Variants in MRPL47 observed in about 807,000 individuals in gnomAD.
The protein encoded by MRPL47 is mitochondrial ribosomal protein L47, also known as large ribosomal subunit protein uL29m.
In MRPL47, 31 loss-of-function variants were observed where a neutral mutation model predicts 34.0. The ratio of observed to expected loss-of-function variants is 0.91; its 90% confidence interval spans 0.68 to 1.23. The LOEUF (loss-of-function observed/expected upper bound fraction) is 1.23, where lower values mean the gene tolerates loss of function less well. Ranked by LOEUF, MRPL47 falls within the 50% of genes most tolerant of loss-of-function variation. MRPL47 has a pLI of 0.00. For synonymous variants in MRPL47, 106 were observed against 101.6 expected, an observed-to-expected ratio of 1.04 and a Z score of -0.26; for missense variants, 328 against 285.8, an observed-to-expected ratio of 1.15 and a Z score of -1.07.
chr3:179,602,866 T>A (rs1576871977), intron 1 of MRPL47, 69 bp from the exon 2 acceptor site: 1 of 1,193,716 alleles, frequency 8.4e-7, no homozygotes, highest in East Asian at 2.5e-5. Flanking sequence ...ATAAACATTA[T>A]CATAATAAAC....
intron 3 of MRPL47, among the ~76,000 whole-genome samples, chr3:179,601,506 GT>G (rs1306585625): frequency 6.6e-6 from 1 of 152,230 alleles, no homozygotes; most frequent in African/African-American, 2.4e-5. Flanking sequence ...GTAAATTACA[GT>G]AAAATTTCTG....
At chr3:179,598,800 G>A (rs1718856029) in intron 3 of MRPL47, 29 bp from the exon 4 acceptor site, 4 of 1,400,674 alleles carry the variant, frequency 2.9e-6, no homozygotes, top group Non-Finnish European at 4.0e-6. Flanking sequence ...ACCTTGTGAT[G>A]CTATTCTGTG....
intron 4 of MRPL47, among the ~76,000 whole-genome samples, chr3:179,594,953 C>T (rs572784497): frequency 1.3e-5 from 2 of 152,162 alleles, no homozygotes; most frequent in East Asian, 1.9e-4. Flanking sequence ...CATAAGAATC[C>T]TCAAAAAAAG....
Position 179,604,614 on chromosome 3 carries a change from G to A in MRPL47, c.11C>T (p.Ala4Val). Reference sequence around the variant, plus strand: ...TCTCCTACAAAGAAGGGCCAAACCGGCCGCAGCCATGTTTTCGCATAACTG... The same window carrying A: ...TCTCCTACAAAGAAGGGCCAAACCGACCGCAGCCATGTTTTCGCATAACTG... MAA[A>V]GLALLCRRVS... The change falls in exon 1 of 7, where the codon GCC becomes GTC. Residue 4 changes from alanine to valine, a missense_variant. Ala to Val is a moderately conservative substitution (Grantham distance 64, BLOSUM62 0). Transcript: ENST00000476781. 6.2e-7 allele frequency: 1 copy of A among 1,614,194 alleles called. No individual in the cohort carries two copies. The highest frequency in any genetic ancestry group is 1.1e-5 in the South Asian group (1 of 91,080).
chr3:179,603,346 TG>T (rs1444381340), intron 1 of MRPL47, among the ~76,000 whole-genome samples: 1 of 152,016 alleles, frequency 6.6e-6, no homozygotes, highest in Non-Finnish European at 1.5e-5. Flanking sequence ...AAGACCAGCC[TG>T]GGCAAGATGG....
upstream of MRPL47, chr3:179,604,640 G>C (rs777164938): frequency 5.6e-6 from 9 of 1,613,866 alleles, no homozygotes; most frequent in Admixed American, 6.7e-5. Flanking sequence ...CGCATAACTG[G>C]CAAAACGCGT....
Position 179,588,930 on chromosome 3 carries a change from T to G in MRPL47, c.695A>C (p.Lys232Thr). ...RKENLERKKA[K>T]ILLKKFPHLA... The stretch of plus-strand genomic sequence containing the variant: ...ATGTGGAAACTTTTTTAAAAGAATT[T>G]TTGCTTTCTTTCTCTCTAAATTTTC... Residue 232 changes from lysine (K) to threonine (T), a missense_variant, in exon 7 of 7, where the codon AAA becomes ACA. Physicochemically the swap from Lys to Thr is moderately conservative, Grantham distance 78. Coordinates refer to ENST00000476781, the MANE Select transcript of MRPL47 (RefSeq NM_020409.3). 1 of 1,613,798 alleles carries G rather than the reference T, an allele frequency of 6.2e-7. No individual in the cohort carries two copies. Among genetic ancestry groups the G allele is most frequent in the Non-Finnish European group, 8.5e-7 (1 of 1,179,806 alleles).
chr3:179,589,028 C>A, intron 6 of MRPL47, 33 bp from the exon 7 acceptor site: 1 of 1,578,350 alleles, frequency 6.3e-7, no homozygotes, highest in African/African-American at 1.4e-5. Flanking sequence ...GCAATTTATA[C>A]AAAAATATTT....
At chr3:179,600,619 G>T (rs146411396) in intron 3 of MRPL47, among the ~76,000 whole-genome samples, 327 of 152,320 alleles carry the variant, frequency 2.1e-3, no homozygotes, top group Non-Finnish European at 3.8e-3. Context: ...TGCAGCCTGG[G>T]TGACAGAGTG....
intron 4 of MRPL47, among the ~76,000 whole-genome samples, chr3:179,596,958 T>C (rs987528417): frequency 1.3e-5 from 2 of 152,232 alleles, no homozygotes; most frequent in African/African-American, 4.8e-5. Context: ...GAAATTTACA[T>C]AGTGGTTATA....
chr3:179,588,933 GCTTT>G lies in MRPL47; in HGVS notation c.688_691del (p.Lys230GlnfsTer5), dbSNP rs770257502. 109 of 1,613,480 alleles carry G rather than the reference GCTTT, an allele frequency of 6.8e-5. No individual in the cohort carries two copies. Among genetic ancestry groups the G allele is most frequent in the Non-Finnish European group, 9.2e-5 (108 of 1,179,700 alleles). On this transcript the variant is annotated frameshift_variant, in exon 7 of 7. Coordinates refer to ENST00000476781, the MANE Select transcript of MRPL47 (RefSeq NM_020409.3). LOFTEE classifies it high-confidence loss of function. ...TGGAAACTTTTTTAAAAGAATTTTT[GCTTT>G]CTTTCTCTCTAAATTTTCCTTCCGT...
At position 179,588,852 on chromosome 3, in the gene MRPL47, A is replaced by T; in HGVS notation, c.*20T>A. ...ACTATTCAAGAAAAACAAAATGGTA[A>T]ATTTAATAGTTCAGACATCTTAGAC... On this transcript the variant is annotated 3_prime_UTR_variant, in exon 7 of 7. Transcript: ENST00000476781. The T allele has an allele frequency of 1.2e-6, 2 of 1,605,588 alleles. No homozygotes were observed. Among genetic ancestry groups the T allele is most frequent in the Non-Finnish European group, 1.7e-6 (2 of 1,176,924 alleles).
At chr3:179,590,298 C>T (rs1438019321) in intron 6 of MRPL47, among the ~76,000 whole-genome samples, 3 of 151,210 alleles carry the variant, frequency 2.0e-5, no homozygotes, top group Non-Finnish European at 2.9e-5. Context: ...GAGATCGCAC[C>T]ACTGCACTCT....
chr3:179,588,831 T>G lies in MRPL47; in HGVS notation c.*41A>C. ...CATATTTACTCCTGTACACAGACTA[T>G]TCAAGAAAAACAAAATGGTAAATTT... On this transcript the variant is annotated 3_prime_UTR_variant, in exon 7 of 7. Coordinates refer to ENST00000476781, the MANE Select transcript of MRPL47 (RefSeq NM_020409.3). 3.8e-6 allele frequency: 6 copies of G among 1,595,504 alleles called. No individual in the cohort carries two copies. The highest frequency in any genetic ancestry group is 5.1e-6 in the Non-Finnish European group (6 of 1,169,924).
intron 3 of MRPL47, among the ~76,000 whole-genome samples, chr3:179,599,239 TA>T (rs35792644): frequency 0.72 from 109,898 of 151,816 alleles, 40,315 homozygotes; most frequent in East Asian, 0.92. Context: ...CCATTATACA[TA>T]AACTATCTTT....
chr3:179,594,347 G>T (rs1372272848), intron 4 of MRPL47, among the ~76,000 whole-genome samples: 1 of 152,138 alleles, frequency 6.6e-6, no homozygotes, highest in Non-Finnish European at 1.5e-5. Context: ...GCTACTACAG[G>T]GAAAGGAATA....
intron 4 of MRPL47, 148 bp from the exon 5 acceptor site, chr3:179,594,043 T>C (rs1294192799): frequency 4.3e-6 from 3 of 703,464 alleles, no homozygotes; most frequent in South Asian, 1.9e-5. Context: ...AAAATCTTTT[T>C]GGCACAAGTA....
chr3:179,602,854 C>A (rs1405883140), intron 1 of MRPL47, 57 bp from the exon 2 acceptor site: 3 of 1,283,252 alleles, frequency 2.3e-6, no homozygotes, highest in Non-Finnish European at 3.3e-6. Flanking sequence ...ATTTTATAAG[C>A]AATAAACATT....
chr3:179,602,582 C>A, intron 2 of MRPL47, 70 bp downstream of exon 2: 1 of 797,802 alleles, frequency 1.3e-6, no homozygotes, highest in South Asian at 1.6e-5. Flanking sequence ...AATCCTAGAA[C>A]GATGGTTGGG....
Sources: allele counts gnomAD v4.1 joint callset (sites outside exome capture counted in the v4.1 genomes callset), GRCh38; gene constraint gnomAD v4.1.1; transcripts MANE v1.5; gene names NCBI Gene and HGNC (gene_info 2026-07-23, HGNC 2026-07-21).